The following MYCBP2 variants were observed in gnomAD, a reference collection of about 807,000 sequenced individuals.
The protein encoded by MYCBP2 is E3 ubiquitin-protein ligase MYCBP2.
Under a neutral mutation model 525.3 loss-of-function variants are expected in MYCBP2, and 120 were observed. The ratio of observed to expected loss-of-function variants is 0.23; its 90% CI spans 0.20 to 0.27. The LOEUF (loss-of-function observed/expected upper bound fraction) is 0.27, where lower values mean the gene tolerates loss of function less well. Among genes scored for constraint, MYCBP2 ranks in the 10% least tolerant of loss-of-function variants. MYCBP2 has a pLI of 1.00. For missense variants in MYCBP2, 4,149 were observed against 5,657.1 expected (o/e 0.73, Z 8.55); for synonymous variants, 1,894 against 1,955.8 (o/e 0.97, Z 0.83).
intron 69 of MYCBP2, 122 bp from the exon 70 acceptor site, chr13:77,068,953 T>C: frequency 1.1e-6 from 1 of 943,240 alleles, no homozygotes; most frequent in South Asian, 1.6e-5. Flanking sequence ...TTAATACTAT[T>C]CTCCCAGTTA....
intron 55 of MYCBP2, among the ~76,000 whole-genome samples, chr13:77,114,388 A>C (rs980323418): frequency 1.3e-5 from 2 of 152,122 alleles, no homozygotes; most frequent in African/African-American, 4.8e-5. Flanking sequence ...CCATTTTATA[A>C]TGAGGTAACA....
At chr13:77,243,230 T>G (rs770383113) in intron 16 of MYCBP2, 70 bp from the exon 17 acceptor site, 1 of 1,186,720 alleles carries the variant, frequency 8.4e-7, no homozygotes, top group Non-Finnish European at 1.3e-6. Flanking sequence ...CAGAACTACA[T>G]AAAATTCAAG....
At chr13:77,089,067 G>T (rs1357477290) in intron 60 of MYCBP2, 36 bp from the exon 61 acceptor site, 1 of 1,454,940 alleles carries the variant, frequency 6.9e-7, no homozygotes, top group Non-Finnish European at 9.4e-7. Context: ...ATTTTCATAG[G>T]CAGTGCATAT....
chr13:77,132,325 A>C (rs902632630), intron 52 of MYCBP2, among the ~76,000 whole-genome samples: 1 of 152,150 alleles, frequency 6.6e-6, no homozygotes, highest in Non-Finnish European at 1.5e-5. Context: ...TAATGTTATT[A>C]GGTAAAAAGG....
intron 27 of MYCBP2, 124 bp from the exon 28 acceptor site, chr13:77,191,937 C>G: frequency 1.1e-6 from 1 of 936,280 alleles, no homozygotes; most frequent in Non-Finnish European, 1.6e-6. Context: ...TCTTATCAAA[C>G]AACATTAAAA....
chr13:77,146,413 C>A (rs2055563096), intron 47 of MYCBP2, among the ~76,000 whole-genome samples, 196 bp from the exon 48 acceptor site: 1 of 148,374 alleles, frequency 6.7e-6, no homozygotes, highest in African/African-American at 2.5e-5. Context: ...AAGTAAACAC[C>A]AAAACTTAAA....
chr13:77,125,424 G>A lies in MYCBP2; in HGVS notation c.7929C>T (p.Ser2643=), dbSNP rs777893730. 5.0e-6 allele frequency: 8 copies of A among 1,613,866 alleles called. No individual in the cohort carries two copies. The highest frequency in any genetic ancestry group is 6.8e-6 in the Non-Finnish European group (8 of 1,179,822). Residue 2643 remains serine, a synonymous_variant, in exon 54 of 83, where the codon AGC becomes AGT. Transcript: ENST00000544440. The stretch of plus-strand genomic sequence containing the variant: ...CATCACTCTCACAGAACTCTACCAT[G>A]CTGTTCTGATCCAGTTGCACCCATG... ...EGTWVQLDQN[S]MVEFCESDEG...
Position 77,156,062 on chromosome 13 carries a change from A to G in MYCBP2, c.6911T>C (p.Met2304Thr), listed in dbSNP as rs1360100459. 6.2e-7 allele frequency: 1 copy of G among 1,611,964 alleles called. No individual in the cohort carries two copies. Among genetic ancestry groups the G allele is most frequent in the African/African-American group, 1.3e-5 (1 of 74,998 alleles). The change falls in exon 46 of 83, where the codon ATG (methionine) becomes ACG (threonine). Residue 2304 changes from methionine to threonine, a missense_variant. By Grantham distance (81) the Met-to-Thr change is moderately conservative (BLOSUM62 -1). Around this residue, in one of 21 missense-constraint regions of MYCBP2, gnomAD observed 692 missense variants for 852.7 expected, o/e 0.81. Coordinates refer to ENST00000544440, the MANE Select transcript of MYCBP2 (RefSeq NM_015057.5). Reference sequence around the variant, plus strand: ...ATTTAATCCAGTTATAATTACCTTCATATTGGGAACATGTACCACATCCCC... The same window carrying G: ...ATTTAATCCAGTTATAATTACCTTCGTATTGGGAACATGTACCACATCCCC... ...QYGDVVHVPNMKVEVKAVPVS... is the reference protein window; with the variant it reads ...QYGDVVHVPNTKVEVKAVPVS...
Position 77,301,918 on chromosome 13 carries a change from T to C in MYCBP2, c.303-5244A>G, listed in dbSNP as rs1391500471. On this transcript the variant is annotated intron_variant, in intron 1 of 82. Coordinates refer to ENST00000544440, the MANE Select transcript of MYCBP2 (RefSeq NM_015057.5). ...AACATCTGAAATTAAGAACTTCTCA[T>C]ATGATTTTAAAAGCAGAGTAAGTTA... Among the ~76,000 whole-genome samples, 5 of 152,146 alleles carry C rather than the reference T, an allele frequency of 3.3e-5. 1 individual carries two copies. Among genetic ancestry groups the C allele is most frequent in the Admixed American group, 1.3e-4 (2 of 15,280 alleles).
chr13:77,087,430 T>C lies in MYCBP2; in HGVS notation c.10875+54A>G. ...TGCAAATTATTGGACTATTTGAAGG[T>C]ATACTACCAGTTTCTATAAAAATAT... On this transcript the variant is annotated intron_variant, in intron 62 of 82. Coordinates refer to ENST00000544440, the MANE Select transcript of MYCBP2 (RefSeq NM_015057.5). The C allele has an allele frequency of 2.9e-6, 4 of 1,402,304 alleles. No individual in the cohort carries two copies. The Middle Eastern group carries it at 6.1e-4, about 213-fold the overall frequency. 86.9% of individuals were successfully genotyped at this position (1,402,304 alleles called of 1,614,324 possible).
rs1567054715 is a variant in MYCBP2 at position 77,251,375 on chromosome 13, G to C, written c.2177-20C>G. The C allele has an allele frequency of 6.2e-7, 1 of 1,606,482 alleles. No homozygotes were observed. The highest frequency in any genetic ancestry group is 1.7e-5 in the Admixed American group (1 of 59,886). ...CAAACCCTATTTGACAGATCAATTT[G>C]TAATTTTTATACAGGTTACTTTCAT... On this transcript the variant is annotated intron_variant, in intron 14 of 82. Transcript: ENST00000544440.
At chr13:77,258,942 C>A (rs1478357548) in intron 13 of MYCBP2, among the ~76,000 whole-genome samples, 1 of 152,066 alleles carries the variant, frequency 6.6e-6, no homozygotes, top group Non-Finnish European at 1.5e-5. Context: ...ATTAAGTAAA[C>A]TGTTACCCAA....
In MYCBP2 at chr13:77,090,276, C is replaced by A; in HGVS notation, c.10368-13G>T. ...ACTGGTTTCTAAACTGTACATGGAA[C>A]AATGCAACAGATACAAACTCAGAAG... On this transcript the variant is annotated splice_polypyrimidine_tract_variant and intron_variant, in intron 59 of 82. Coordinates refer to ENST00000544440, the MANE Select transcript of MYCBP2 (RefSeq NM_015057.5). 6.3e-7 allele frequency: 1 copy of A among 1,594,236 alleles called. No homozygotes were observed. The highest frequency in any genetic ancestry group is 2.3e-5 in the East Asian group (1 of 44,168).
At chr13:77,289,028 T>C (rs943610160) in intron 2 of MYCBP2, among the ~76,000 whole-genome samples, 6 of 152,078 alleles carry the variant, frequency 3.9e-5, no homozygotes, top group African/African-American at 1.4e-4. Context: ...AACTACAATT[T>C]CAAGATCAAC....
At chr13:77,054,290 T>C (rs769866269) in intron 80 of MYCBP2, among the ~76,000 whole-genome samples, 2 of 152,130 alleles carry the variant, frequency 1.3e-5, no homozygotes, top group African/African-American at 2.4e-5. Flanking sequence ...TTATTTGGTA[T>C]GTGGCAGCAA....
In MYCBP2 at chr13:77,168,670, T is replaced by C. The variant is rs766986531; in HGVS notation, c.5896-24A>G. 2.5e-6 allele frequency: 4 copies of C among 1,599,452 alleles called. No individual in the cohort carries two copies. The East Asian group carries it at 8.9e-5, about 36-fold the overall frequency. On this transcript the variant is annotated intron_variant, in intron 39 of 82. Coordinates refer to ENST00000544440, the MANE Select transcript of MYCBP2 (RefSeq NM_015057.5). The stretch of plus-strand genomic sequence containing the variant: ...ACCTAGTACACATATAAAAATATGG[T>C]TAAATGAGATACACGTGAAAGTGGT...
At chr13:77,314,232 C>G (rs2080643303) in intron 1 of MYCBP2, among the ~76,000 whole-genome samples, 1 of 152,162 alleles carries the variant, frequency 6.6e-6, no homozygotes, top group African/African-American at 2.4e-5. Context: ...AAACATCATG[C>G]TGTACATTAT....
intron 2 of MYCBP2, among the ~76,000 whole-genome samples, chr13:77,294,113 T>TATACATATATATATATATATATATATAC (rs1384208106): frequency 1.9e-4 from 10 of 52,888 alleles, no homozygotes; most frequent in African/African-American, 5.0e-4. Flanking sequence ...GCTATATATA[T>TATACATATATATATATATATATATATAC]ATATATATAT....
At chr13:77,128,453 C>A (rs2052096234) in intron 52 of MYCBP2, among the ~76,000 whole-genome samples, 1 of 151,828 alleles carries the variant, frequency 6.6e-6, no homozygotes, top group South Asian at 2.1e-4. Flanking sequence ...AACTTTTGAT[C>A]ATTCAGGGTA....
Sources: gnomAD v4.1 joint callset for allele counts (sites outside exome capture counted in the v4.1 genomes callset) on GRCh38, gnomAD v4.1.1 for gene constraint, gnomAD v4.1.1 regional missense constraint, MANE v1.5 for transcripts, NCBI Gene and HGNC (gene_info 2026-07-23, HGNC 2026-07-21) for gene names.